Variants in LPP observed in about 807,000 individuals in gnomAD.
LPP encodes the protein LIM domain containing preferred translocation partner in lipoma, also known as lipoma-preferred partner.
Under a neutral mutation model 60.4 loss-of-function variants are expected in LPP, and 38 were observed. That is an observed-to-expected ratio of 0.63 (90% CI 0.49 to 0.83). The LOEUF is 0.83. Ranked by LOEUF, LPP falls within the 40% of genes least tolerant of loss-of-function variation. The pLI is 0.00. For missense variants in LPP, 902 were observed against 783.6 expected (o/e 1.15, Z -1.80); for synonymous variants, 328 against 290.8 (o/e 1.13, Z -1.30).
At chr3:188,758,264 G>A (rs943276866) in intron 8 of LPP, among the ~76,000 whole-genome samples, 2 of 152,052 alleles carry the variant, frequency 1.3e-5, no homozygotes, top group Non-Finnish European at 2.9e-5. Flanking sequence ...GGGTTCAAGC[G>A]ATTCTCCTGC....
intron 4 of LPP, among the ~76,000 whole-genome samples, chr3:188,450,883 G>A (rs1327093724): frequency 6.6e-6 from 1 of 152,130 alleles, no homozygotes. Context: ...AAGTGAGGTA[G>A]TCATATACCT....
intron 1 of LPP, chr3:188,178,415 A>G (rs1723747354): frequency 6.6e-6 from 1 of 152,242 alleles, no homozygotes; most frequent in South Asian, 2.1e-4. Context: ...TCTAAGCACC[A>G]TGCTGGTTGC....
At chr3:188,514,707 G>T (rs9875556) in intron 5 of LPP, among the ~76,000 whole-genome samples, 45,677 of 152,158 alleles carry the variant, frequency 0.3, 7,805 homozygotes, top group East Asian at 0.65. Context: ...CTCCCAAGGT[G>T]TTGGGATTAC....
chr3:188,865,694 G>T (rs79966329), intron 9 of LPP, among the ~76,000 whole-genome samples: 3 of 147,874 alleles, frequency 2.0e-5, no homozygotes, highest in Non-Finnish European at 3.0e-5. Flanking sequence ...TTTTTTTTTT[G>T]TAAATAAAGT....
rs1423294588 is a variant in LPP, at chr3:188,280,758, C to A, written c.-67+55231C>A. Among the ~76,000 whole-genome samples, 5 of 152,018 alleles carry A rather than the reference C, an allele frequency of 3.3e-5. No homozygotes were observed. The South Asian group carries it at 6.2e-4, about 19-fold the overall frequency. On this transcript the variant is annotated intron_variant, in intron 2 of 11. Transcript: ENST00000617246. ...GGGTTAACCAACTGGTGGATTAACACGATGACACAGACATAGTGGGGAGAA... is the reference window on the plus strand; with the variant it reads ...GGGTTAACCAACTGGTGGATTAACAAGATGACACAGACATAGTGGGGAGAA...
intron 4 of LPP, among the ~76,000 whole-genome samples, chr3:188,471,963 T>C (rs773667736): frequency 3.9e-5 from 6 of 152,190 alleles, no homozygotes; most frequent in Admixed American, 6.5e-5. Context: ...CTATTATTAC[T>C]AGGATCTGAA....
chr3:188,418,284 A>C (rs542925441), intron 4 of LPP, among the ~76,000 whole-genome samples: 1 of 152,320 alleles, frequency 6.6e-6, no homozygotes, highest in East Asian at 1.9e-4. Flanking sequence ...ATAATGAATT[A>C]TTACAATTAC....
chr3:188,527,949 A>T (rs1821102943), intron 6 of LPP, among the ~76,000 whole-genome samples: 1 of 152,096 alleles, frequency 6.6e-6, no homozygotes, highest in East Asian at 1.9e-4. Context: ...CATCTACTTT[A>T]TAAAAAATCC....
chr3:188,856,145 C>T (rs556316124), intron 9 of LPP, among the ~76,000 whole-genome samples: 9 of 152,178 alleles, frequency 5.9e-5, no homozygotes, highest in East Asian at 3.9e-4. Flanking sequence ...GTATAACTGC[C>T]GCAAACTAGA....
intron 1 of LPP, among the ~76,000 whole-genome samples, chr3:188,170,374 AGGCT>A (rs1721242705): frequency 7.5e-6 from 1 of 133,980 alleles, no homozygotes; most frequent in Admixed American, 8.4e-5. Context: ...TCTATTGCCC[AGGCT>A]GGAGTGCAGT....
chr3:188,581,840 C>T (rs1024890459), intron 6 of LPP, among the ~76,000 whole-genome samples: 2 of 152,180 alleles, frequency 1.3e-5, no homozygotes, highest in Non-Finnish European at 2.9e-5. Context: ...TATTTACCTT[C>T]TATTACCTTT....
At chr3:188,849,388 G>C (rs1762238360) in intron 9 of LPP, among the ~76,000 whole-genome samples, 1 of 152,150 alleles carries the variant, frequency 6.6e-6, no homozygotes, top group South Asian at 2.1e-4. Flanking sequence ...CAGCAAATTG[G>C]TGCCATTTCT....
At chr3:188,855,553 A>G (rs543927979) in intron 9 of LPP, among the ~76,000 whole-genome samples, 4 of 152,320 alleles carry the variant, frequency 2.6e-5, no homozygotes, top group South Asian at 2.1e-4. Context: ...GGGGATGTCT[A>G]TGGGAGTAGA....
intron 7 of LPP, among the ~76,000 whole-genome samples, chr3:188,658,403 C>T (rs1853836730): frequency 1.4e-5 from 1 of 71,404 alleles, no homozygotes; most frequent in East Asian, 4.1e-4. Context: ...GCCTTGGCCT[C>T]CTAACTGAAG....
chr3:188,536,061 T>G (rs1187504872), intron 6 of LPP, among the ~76,000 whole-genome samples: 2 of 144,022 alleles, frequency 1.4e-5, no homozygotes, highest in Non-Finnish European at 3.0e-5. Flanking sequence ...CAGGCTGGAG[T>G]GCAATGGCAT....
At chr3:188,263,152 C>T (rs1329693173) in intron 2 of LPP, among the ~76,000 whole-genome samples, 1 of 152,194 alleles carries the variant, frequency 6.6e-6, no homozygotes, top group Non-Finnish European at 1.5e-5. Context: ...TGGGAACAAA[C>T]TATTCCAATA....
intron 3 of LPP, among the ~76,000 whole-genome samples, chr3:188,392,076 G>A (rs564689076): frequency 1.3e-5 from 2 of 152,316 alleles, no homozygotes; most frequent in African/African-American, 4.8e-5. Flanking sequence ...TAAGGGTGAT[G>A]GTTTTCATAT....
At chr3:188,167,177 C>T (rs1325370601) in intron 1 of LPP, among the ~76,000 whole-genome samples, 3 of 152,178 alleles carry the variant, frequency 2.0e-5, no homozygotes, top group Non-Finnish European at 2.9e-5. Context: ...GGAAGGTATT[C>T]TATGGTCAGT....
intron 6 of LPP, among the ~76,000 whole-genome samples, chr3:188,603,008 TCTTC>T (rs1841716418): frequency 6.8e-6 from 1 of 147,506 alleles, no homozygotes; most frequent in Non-Finnish European, 1.5e-5. Flanking sequence ...GTTTTATTTC[TCTTC>T]CTTGTGTTTG....
Sources: allele counts gnomAD v4.1 joint callset (sites outside exome capture counted in the v4.1 genomes callset), GRCh38; gene constraint gnomAD v4.1.1; transcripts MANE v1.5; gene names NCBI Gene and HGNC (gene_info 2026-07-23, HGNC 2026-07-21).